Variants in STK10 observed in about 807,000 individuals in gnomAD.
The protein encoded by STK10 is serine/threonine kinase 10, also known as serine/threonine-protein kinase 10.
STK10 carries 78 observed loss-of-function variants against 113.8 expected under a neutral mutation model. The observed-to-expected ratio is 0.69, with a 90% CI of 0.57 to 0.83. The LOEUF (loss-of-function observed/expected upper bound fraction) is 0.83. Ranked by LOEUF, STK10 falls within the 40% of genes least tolerant of loss-of-function variation. The pLI is 0.00. For missense variants in STK10, 1,109 were observed against 1,280.1 expected (o/e 0.87, Z 2.04); for synonymous variants, 465 against 494.7 (o/e 0.94, Z 0.80).
intron 18 of STK10, among the ~76,000 whole-genome samples, chr5:172,050,046 AC>A (rs1283083491): frequency 6.6e-6 from 1 of 152,046 alleles, no homozygotes; most frequent in African/African-American, 2.4e-5. Flanking sequence ...CAGGTGATCC[AC>A]CCGCCTTGGC....
Position 172,082,847 on chromosome 5 carries a change from G to A in STK10, c.1809+114C>T, listed in dbSNP as rs547351046. 1 of 1,487,316 alleles carries A rather than the reference G, an allele frequency of 6.7e-7. No homozygotes were observed. The highest frequency in any genetic ancestry group is 1.4e-5 in the African/African-American group (1 of 70,956). The allele number at this position is 1,487,316 out of a possible 1,614,324, so 92.1% of individuals were successfully genotyped here. A position where few individuals can be genotyped will look rare whatever the true frequency, so the allele number is the denominator to read the frequency against. On this transcript the variant is annotated intron_variant, in intron 11 of 18. Coordinates refer to ENST00000176763, the MANE Select transcript of STK10 (RefSeq NM_005990.4). This position sits in a 1 kb window ranked among gnomAD's most constrained non-coding sequence, Gnocchi z 4.3. ...AAGATCGGGAAGCCCCCAGGAATTGGGCAATTGTTGTGAATTACTCTCCAC... is the reference window on the plus strand; with the variant it reads ...AAGATCGGGAAGCCCCCAGGAATTGAGCAATTGTTGTGAATTACTCTCCAC...
chr5:172,176,190 A>G (rs767564671), intron 1 of STK10, among the ~76,000 whole-genome samples: 5 of 152,220 alleles, frequency 3.3e-5, no homozygotes, highest in Non-Finnish European at 7.3e-5. Context: ...AGAGATAAGT[A>G]AATTCCTCAG....
intron 2 of STK10, among the ~76,000 whole-genome samples, chr5:172,149,907 T>A (rs1770176885): frequency 6.6e-6 from 1 of 150,684 alleles, no homozygotes; most frequent in Admixed American, 6.6e-5. Context: ...ATTAGCTGGG[T>A]GTGGTGGCAG....
chr5:172,173,432 G>A (rs1770696736), intron 1 of STK10, among the ~76,000 whole-genome samples: 1 of 152,228 alleles, frequency 6.6e-6, no homozygotes, highest in Admixed American at 6.5e-5. Context: ...ACAAGACTGT[G>A]TGGAGCTTTC....
intron 1 of STK10, among the ~76,000 whole-genome samples, chr5:172,177,955 A>T (rs1271907795): frequency 6.6e-6 from 1 of 152,136 alleles, no homozygotes; most frequent in Admixed American, 6.5e-5. Flanking sequence ...CAGCCTCCCA[A>T]GTAGCTGGGA....
In STK10 at chr5:172,156,152, A is replaced by G. The variant is rs529790619; in HGVS notation, c.321+472T>C. Among the ~76,000 whole-genome samples, 3 of 152,332 alleles carry G rather than the reference A, an allele frequency of 2.0e-5. No homozygotes were observed. The East Asian group carries it at 5.8e-4, about 29-fold the overall frequency. On this transcript the variant is annotated intron_variant, in intron 2 of 18. Coordinates refer to ENST00000176763, the MANE Select transcript of STK10 (RefSeq NM_005990.4). The stretch of plus-strand genomic sequence containing the variant: ...AGAAGGATCTCCATGTAACAGCTGT[A>G]GCAGTGGCAGAAGAAGTGCTACTAT...
chr5:172,056,993 A>AGAGAGAG (rs1304849740), intron 15 of STK10: 8 of 52,020 alleles, frequency 1.5e-4, no homozygotes, highest in African/African-American at 5.3e-4. Context: ...GAAAGAAAGA[A>AGAGAGAG]AGAGAAAGAA....
intron 1 of STK10, among the ~76,000 whole-genome samples, chr5:172,169,172 G>A (rs1472649901): frequency 2.6e-5 from 4 of 152,036 alleles, no homozygotes; most frequent in East Asian, 1.9e-4. Context: ...CCACCTCCCC[G>A]ACTAGAATCT....
chr5:172,128,870 AGAG>A (rs1430158155), intron 2 of STK10, among the ~76,000 whole-genome samples: 1 of 152,234 alleles, frequency 6.6e-6, no homozygotes, highest in African/African-American at 2.4e-5. Context: ...CTCTCCAGCC[AGAG>A]GAGGGTGGAG....
chr5:172,085,447 G>C (rs949502510), intron 10 of STK10, among the ~76,000 whole-genome samples: 2 of 152,028 alleles, frequency 1.3e-5, no homozygotes, highest in Admixed American at 1.3e-4. Context: ...CCAGCACTTT[G>C]GGGGGCTGAG....
chr5:172,149,495 CGTGTGTGTGT>C (rs3839238), intron 2 of STK10, among the ~76,000 whole-genome samples: 1 of 149,262 alleles, frequency 6.7e-6, no homozygotes, highest in South Asian at 2.1e-4. Context: ...ACAAAGTGCT[CGTGTGTGTGT>C]GTGTGTGTGT....
intron 7 of STK10, among the ~76,000 whole-genome samples, chr5:172,104,559 T>C (rs968289968): frequency 2.0e-5 from 3 of 150,262 alleles, no homozygotes; most frequent in Non-Finnish European, 3.0e-5. Flanking sequence ...AAGACCCTTG[T>C]AAATGGATGT....
intron 12 of STK10, among the ~76,000 whole-genome samples, chr5:172,075,868 G>C (rs559064563): frequency 6.6e-6 from 1 of 152,242 alleles, no homozygotes; most frequent in South Asian, 2.1e-4. Flanking sequence ...GGAGCAACTG[G>C]AACTCTTGTA....
chr5:172,119,693 T>G (rs938942412), intron 3 of STK10, among the ~76,000 whole-genome samples: 1 of 149,216 alleles, frequency 6.7e-6, no homozygotes, highest in African/African-American at 2.5e-5. Flanking sequence ...TGAAACCCCG[T>G]CTCTACTAAA....
chr5:172,068,062 C>T (rs752288493), intron 12 of STK10, among the ~76,000 whole-genome samples: 7 of 152,164 alleles, frequency 4.6e-5, no homozygotes, highest in Non-Finnish European at 8.8e-5. Context: ...AAAGAAGGGC[C>T]GGGCGCGGTG....
rs1769788865 is a variant in STK10, at chr5:172,133,072, G to A, written c.322-5651C>T. 6.6e-6 allele frequency among the ~76,000 whole-genome samples: 1 copy of A among 152,230 alleles called. No individual in the cohort carries two copies. The highest frequency in any genetic ancestry group is 2.1e-4 in the South Asian group (1 of 4,836). On this transcript the variant is annotated intron_variant, in intron 2 of 18. Coordinates refer to ENST00000176763, the MANE Select transcript of STK10 (RefSeq NM_005990.4). This position sits in a 1 kb window ranked among gnomAD's most constrained non-coding sequence, Gnocchi z 4.9. ...CAGAGGTGGGGCAGCAGGGAAAAGC[G>A]TGGAAGCGGGTAATGGCGGAGCATT... is the stretch of plus-strand genomic sequence containing the variant.
At chr5:172,162,565 A>G (rs867695591) in intron 1 of STK10, among the ~76,000 whole-genome samples, 4 of 152,052 alleles carry the variant, frequency 2.6e-5, no homozygotes, top group Admixed American at 2.0e-4. Context: ...TTCTGCACAC[A>G]TTCCTCTTTC....
rs1485904551 is a variant in STK10, at chr5:172,057,405, G to A, written c.2281C>T (p.Gln761Ter). ...TGGAGGAAGTACTGGTCTTTGAGCT[G>A]CTGCTTCACCAGCTGGTGCCTCTCC... ...LQERHQLVKQ[Q>*]LKDQYFLQRH... The change falls in exon 15 of 19, where the codon CAG becomes TAG. Residue 761 changes from glutamine (Q) to a stop codon, truncating the protein, a stop_gained. Coordinates refer to ENST00000176763, the MANE Select transcript of STK10 (RefSeq NM_005990.4). LOFTEE classifies it high-confidence loss of function. 6.4e-7 allele frequency: 1 copy of A among 1,555,166 alleles called. No individual in the cohort carries two copies. The highest frequency in any genetic ancestry group is 1.9e-5 in the Admixed American group (1 of 51,764).
At chr5:172,102,524 G>A (rs562905759) in intron 7 of STK10, among the ~76,000 whole-genome samples, 52 of 152,238 alleles carry the variant, frequency 3.4e-4, no homozygotes, top group African/African-American at 1.1e-3. Context: ...AGGGCCCTGT[G>A]CACTCTCACA....
Sources: allele counts gnomAD v4.1 joint callset (sites outside exome capture counted in the v4.1 genomes callset), GRCh38; gene constraint gnomAD v4.1.1; non-coding constraint Gnocchi (gnomAD v3.1); transcripts MANE v1.5; gene names NCBI Gene and HGNC (gene_info 2026-07-23, HGNC 2026-07-21).